The following DDX10 variants were observed in gnomAD, a reference collection of about 807,000 sequenced individuals.
DDX10 encodes the protein DEAD-box helicase 10.
DDX10 carries 74 observed loss-of-function variants against 104.3 expected under a neutral mutation model. The ratio of observed to expected loss-of-function variants is 0.71; its 90% confidence interval spans 0.59 to 0.86. DDX10 has a LOEUF of 0.86. DDX10 is among the 40% of genes least tolerant of loss of function. The pLI is 0.00. For missense variants in DDX10, 952 were observed against 1,040.0 expected (o/e 0.92, Z 1.16); for synonymous variants, 351 against 353.4 (o/e 0.99, Z 0.08).
rs1295994525 is a variant in DDX10, at chr11:108,831,451, G to A, written c.1966-6995G>A. ...AAAAAAAAAAAAAAAAAAAAGAAAT[G>A]CTCTTATCTTTCATAGGAGTGGCTT... On this transcript the variant is annotated intron_variant, in intron 13 of 17. Coordinates refer to ENST00000322536, the MANE Select transcript of DDX10 (RefSeq NM_004398.4). Among the ~76,000 whole-genome samples, 4 of 138,106 alleles carry A rather than the reference G, an allele frequency of 2.9e-5. No homozygotes were observed. The East Asian group carries it at 6.4e-4, about 22-fold the overall frequency. The allele number at this position is 138,106 out of a possible 152,430, so 90.6% of individuals were successfully genotyped here.
At chr11:108,830,834 T>A (rs145454460) in intron 13 of DDX10, among the ~76,000 whole-genome samples, 1 of 152,352 alleles carries the variant, frequency 6.6e-6, no homozygotes, top group Non-Finnish European at 1.5e-5. Context: ...TTTGATTCTA[T>A]TTATAGTTTA....
intron 13 of DDX10, among the ~76,000 whole-genome samples, chr11:108,748,642 T>C (rs2094334684): frequency 6.6e-6 from 1 of 152,124 alleles, no homozygotes. Context: ...ATAGTGTTCT[T>C]GCTAATTACC....
chr11:108,913,760 G>A (rs1863710580), intron 16 of DDX10, among the ~76,000 whole-genome samples: 1 of 152,132 alleles, frequency 6.6e-6, no homozygotes, highest in Non-Finnish European at 1.5e-5. Context: ...CTTACCGTAT[G>A]TGGCTAGAAA....
chr11:108,867,389 GCT>G (rs1863020423), intron 16 of DDX10, among the ~76,000 whole-genome samples: 1 of 152,152 alleles, frequency 6.6e-6, no homozygotes, highest in Non-Finnish European at 1.5e-5. Flanking sequence ...GTAAGCCAGA[GCT>G]TCATTTGACA....
chr11:108,720,955 G>A (rs2134474194), intron 12 of DDX10, among the ~76,000 whole-genome samples: 1 of 151,394 alleles, frequency 6.6e-6, no homozygotes. Flanking sequence ...TCTTCAGTGG[G>A]CTCTTACTGT....
intron 13 of DDX10, among the ~76,000 whole-genome samples, chr11:108,800,913 G>A (rs1440133918): frequency 6.6e-6 from 1 of 152,092 alleles, no homozygotes; most frequent in Admixed American, 6.5e-5. Context: ...TATCTTTCCA[G>A]TATGTAGAGA....
intron 13 of DDX10, among the ~76,000 whole-genome samples, chr11:108,745,070 C>CCCTTCCTTT (rs2094329852): frequency 9.8e-6 from 1 of 101,948 alleles, no homozygotes; most frequent in African/African-American, 3.8e-5. Flanking sequence ...CTTCCCCCTT[C>CCCTTCCTTT]CCCCTTCCCT....
chr11:108,713,068 C>G (rs1447541005), intron 10 of DDX10, among the ~76,000 whole-genome samples: 1 of 152,092 alleles, frequency 6.6e-6, no homozygotes, highest in Non-Finnish European at 1.5e-5. Context: ...GAGGTGCCCC[C>G]CGTCCACTTC....
intron 16 of DDX10, among the ~76,000 whole-genome samples, chr11:108,893,351 A>G (rs1863400480): frequency 6.6e-6 from 1 of 152,016 alleles, no homozygotes; most frequent in Admixed American, 6.6e-5. Flanking sequence ...TAAAACCCAA[A>G]GATTTGGGTT....
intron 13 of DDX10, among the ~76,000 whole-genome samples, chr11:108,833,430 C>T (rs1185453781): frequency 1.3e-5 from 2 of 152,210 alleles, no homozygotes; most frequent in Non-Finnish European, 2.9e-5. Flanking sequence ...CCTTGGATGG[C>T]GCTGACATTT....
intron 13 of DDX10, among the ~76,000 whole-genome samples, chr11:108,780,337 A>G (rs1431940656): frequency 6.6e-6 from 1 of 152,212 alleles, no homozygotes; most frequent in Non-Finnish European, 1.5e-5. Flanking sequence ...CAGAGCTCCA[A>G]AAGATATATA....
chr11:108,688,950 TG>T lies in DDX10; in HGVS notation c.865del (p.Glu289AsnfsTer5), dbSNP rs1386496683. 1.2e-6 allele frequency: 2 copies of T among 1,612,926 alleles called. No homozygotes were observed. The highest frequency in any genetic ancestry group is 8.5e-7 in the Non-Finnish European group (1 of 1,179,394). ...EKAKYSTPAT[L>X]EQNYIVCELQ... ...AATTCCACAAGCACCCCTGCCACTT[TG>T]GAACAGAACTACATAGTCTGTGAGC... is the stretch of plus-strand genomic sequence containing the variant. On this transcript the variant is annotated frameshift_variant, in exon 7 of 18. Coordinates refer to ENST00000322536, the MANE Select transcript of DDX10 (RefSeq NM_004398.4). LOFTEE classifies it high-confidence loss of function.
At chr11:108,780,279 T>C (rs1165590519) in intron 13 of DDX10, among the ~76,000 whole-genome samples, 2 of 152,170 alleles carry the variant, frequency 1.3e-5, no homozygotes, top group Non-Finnish European at 2.9e-5. Context: ...GTGGCTGAAG[T>C]TAAAGAGGAA....
intron 13 of DDX10, chr11:108,767,475 A>G (rs989737868): frequency 2.0e-5 from 3 of 152,206 alleles, no homozygotes; most frequent in Admixed American, 6.5e-5. Flanking sequence ...ACTGAGATCT[A>G]CTGGCAGCAT....
At chr11:108,720,976 A>C (rs1304351910) in intron 12 of DDX10, among the ~76,000 whole-genome samples, 2 of 151,786 alleles carry the variant, frequency 1.3e-5, no homozygotes, top group Non-Finnish European at 2.9e-5. Context: ...GGGAGTGGTA[A>C]AAACATTGGC....
At chr11:108,864,122 A>G (rs751066799) in intron 16 of DDX10, among the ~76,000 whole-genome samples, 1 of 152,202 alleles carries the variant, frequency 6.6e-6, no homozygotes, top group Non-Finnish European at 1.5e-5. Flanking sequence ...TTTGTGAACT[A>G]TGAATCACAT....
chr11:108,683,420 G>T (rs1591790458), intron 6 of DDX10, among the ~76,000 whole-genome samples: 1 of 152,214 alleles, frequency 6.6e-6, no homozygotes, highest in South Asian at 2.1e-4. Flanking sequence ...CTTGCAATCA[G>T]CAAATGCTTT....
At chr11:108,934,145 A>G (rs10789693) in intron 17 of DDX10, among the ~76,000 whole-genome samples, 81,044 of 152,046 alleles carry the variant, frequency 0.53, 22,478 homozygotes, top group Non-Finnish European at 0.62. Context: ...GAGCTGGATC[A>G]GGTGAAGGAG....
intron 6 of DDX10, among the ~76,000 whole-genome samples, chr11:108,681,502 C>T (rs902364660): frequency 2.0e-5 from 3 of 152,116 alleles, no homozygotes; most frequent in African/African-American, 2.4e-5. Context: ...AGCTTTTCCA[C>T]TTTAGTAGCT....
Sources: allele counts gnomAD v4.1 joint callset (sites outside exome capture counted in the v4.1 genomes callset), GRCh38; gene constraint gnomAD v4.1.1; transcripts MANE v1.5; gene names NCBI Gene and HGNC (gene_info 2026-07-23, HGNC 2026-07-21).